The following BBS2 variants were observed in gnomAD, a reference collection of about 807,000 sequenced individuals.
BBS2 encodes the protein Bardet-Biedl syndrome 2.
In BBS2, 62 loss-of-function variants were observed where a neutral mutation model predicts 83.0. The ratio of observed to expected loss-of-function variants is 0.75; its 90% CI spans 0.61 to 0.92. BBS2 has a LOEUF of 0.92. Among genes scored for constraint, BBS2 ranks in the 40% least tolerant of loss-of-function variants. The pLI is 0.00. For missense variants in BBS2, 784 were observed against 901.0 expected (o/e 0.87, Z 1.66); for synonymous variants, 303 against 326.1 (o/e 0.93, Z 0.76).
chr16:56,476,179 GACTTT>G, intron 17 of BBS2: 1 of 1,612,212 alleles, frequency 6.2e-7, no homozygotes. Context: ...AGGTTTCTGG[GACTTT>G]TCATTCATCT....
intron 15 of BBS2, among the ~76,000 whole-genome samples, chr16:56,496,457 T>C (rs1237196887): frequency 6.6e-6 from 1 of 152,202 alleles, no homozygotes; most frequent in South Asian, 2.1e-4. Flanking sequence ...TTATTGCATG[T>C]TTCCCAAACT....
rs940563320 is a variant in BBS2, at chr16:56,511,087, T to C, written c.471+72A>G. 5 of 1,593,868 alleles carry C rather than the reference T, an allele frequency of 3.1e-6. No homozygotes were observed. In the South Asian group the frequency reaches 4.4e-5, roughly 14 times the overall value. On this transcript the variant is annotated intron_variant, in intron 3 of 16. Transcript: ENST00000245157. ...TTATAAATATTATTACTCAGTAGAG[T>C]TGGTGGTTAAAAAAGAACATTAAAA...
intron 12 of BBS2, 143 bp from the exon 13 acceptor site, chr16:56,498,711 A>G (rs1244676249): frequency 3.9e-6 from 6 of 1,529,778 alleles, no homozygotes; most frequent in Non-Finnish European, 5.2e-6. Flanking sequence ...GTTGAGAAAA[A>G]AAAAAAAGAA....
intron 17 of BBS2, chr16:56,478,435 A>G (rs988580005): frequency 3.9e-5 from 6 of 152,206 alleles, no homozygotes; most frequent in Admixed American, 3.9e-4. Flanking sequence ...GAATACTGTT[A>G]CTAATGGTTA....
rs577991432 is a variant in BBS2 at position 56,475,028 on chromosome 16, A to G, written c.*1-4333T>C. On this transcript the variant is annotated intron_variant, in intron 17 of 17. Coordinates refer to the BBS2 transcript ENST00000682047. ...CTTCTGAGGGACCCTTTCCAGCTGA[A>G]CCAATTCATAAGTAATTTGCCTAGT... The G allele has an allele frequency of 5.0e-5, 73 of 1,459,908 alleles. No homozygotes were observed. In the East Asian group the frequency reaches 1.4e-3, roughly 28 times the overall value. 90.4% of individuals were successfully genotyped at this position (1,459,908 alleles called of 1,614,324 possible). A position where few individuals can be genotyped will look rare whatever the true frequency, so the allele number is the denominator to read the frequency against.
Position 56,505,880 on chromosome 16 carries a change from G to A in BBS2, c.804+70C>T, listed in dbSNP as rs1196174744. The A allele has an allele frequency of 1.7e-5, 20 of 1,185,464 alleles. No individual in the cohort carries two copies. The African/African-American group carries it at 2.6e-4, about 15-fold the overall frequency. 73.4% of individuals were successfully genotyped at this position (1,185,464 alleles called of 1,614,324 possible). On this transcript the variant is annotated intron_variant, in intron 7 of 16. Coordinates refer to ENST00000245157, the MANE Select transcript of BBS2 (RefSeq NM_031885.5). ...TTACATCCCAATGTTACTGTTCTAA[G>A]TCCTACAGCCAATACACCTTGGACA... is the stretch of plus-strand genomic sequence containing the variant.
intron 17 of BBS2, chr16:56,474,971 C>A: frequency 6.2e-7 from 1 of 1,611,444 alleles, no homozygotes; most frequent in Non-Finnish European, 8.5e-7. Flanking sequence ...GGAAAGCAAG[C>A]GGTGGATTAT....
intron 1 of BBS2, among the ~76,000 whole-genome samples, chr16:56,516,689 C>A (rs904209383): frequency 6.6e-6 from 1 of 152,050 alleles, no homozygotes; most frequent in Non-Finnish European, 1.5e-5. Context: ...CCACCATGCC[C>A]GGCCAGAGAT....
downstream of BBS2, among the ~76,000 whole-genome samples, chr16:56,481,323 T>C (rs1488103679): frequency 2.0e-5 from 3 of 152,058 alleles, no homozygotes; most frequent in Non-Finnish European, 4.4e-5. Flanking sequence ...AGGGTGACGC[T>C]GGTTAAGATG....
At chr16:56,480,235 AAAAG>A (rs1250286481), downstream of BBS2, among the ~76,000 whole-genome samples, 1 of 151,876 alleles carries the variant, frequency 6.6e-6, no homozygotes, top group Non-Finnish European at 1.5e-5. Context: ...TTAGGGTTCC[AAAAG>A]AAAGAATCTG....
chr16:56,518,127 T>C (rs1964804314), intron 1 of BBS2, among the ~76,000 whole-genome samples: 1 of 152,046 alleles, frequency 6.6e-6, no homozygotes, highest in African/African-American at 2.4e-5. Context: ...TGTCAGTGAC[T>C]TCTAACTGTA....
chr16:56,497,063 G>A lies in BBS2; in HGVS notation c.1814C>T (p.Ser605Leu). The A allele has an allele frequency of 6.2e-7, 1 of 1,612,570 alleles. No individual in the cohort carries two copies. Residue 605 changes from serine to leucine, a missense_variant, in exon 15 of 17, where the codon TCA becomes TTA. Physicochemically the swap from Ser to Leu is moderately radical, Grantham distance 145. Coordinates refer to ENST00000245157, the MANE Select transcript of BBS2 (RefSeq NM_031885.5). The part of the protein sequence containing the change: ...KVLVKVDEYH[S>L]VHQKLSADMA... The stretch of plus-strand genomic sequence containing the variant: ...ATCAGCACTGAGCTTCTGATGCACT[G>A]AATGATATTCATCCACCTGGAGACC...
chr16:56,514,303 G>A (rs1249388676), intron 2 of BBS2, 150 bp downstream of exon 2: 45 of 742,744 alleles, frequency 6.1e-5, no homozygotes, highest in Admixed American at 9.8e-5. Context: ...ACATAAAGCA[G>A]ATGTTAACAG....
intron 1 of BBS2, chr16:56,516,232 AC>A: frequency 6.6e-6 from 1 of 152,312 alleles, no homozygotes; most frequent in East Asian, 1.9e-4. Flanking sequence ...CGACAAAAAG[AC>A]CACTCCCAGG....
intron 17 of BBS2, chr16:56,477,866 T>G (rs1378894106): frequency 1.3e-5 from 2 of 152,242 alleles, no homozygotes; most frequent in Admixed American, 1.3e-4. Context: ...GTATTCATTC[T>G]TTTCTGAAGT....
chr16:56,498,365 C>T, intron 13 of BBS2, 72 bp downstream of exon 13: 1 of 1,571,402 alleles, frequency 6.4e-7, no homozygotes, highest in Non-Finnish European at 8.7e-7. Context: ...ATGCCCCTCT[C>T]ATTCCATGGT....
chr16:56,482,783 G>A (rs1202364555), downstream of BBS2, among the ~76,000 whole-genome samples: 2 of 152,138 alleles, frequency 1.3e-5, no homozygotes, highest in Non-Finnish European at 2.9e-5. Context: ...CTAGGGAAGA[G>A]ACTGCTAGCT....
At position 56,510,899 on chromosome 16, in the gene BBS2, G is replaced by A; in HGVS notation, c.494C>T (p.Ser165Phe). 1 of 1,613,972 alleles carries A rather than the reference G, an allele frequency of 6.2e-7. No individual in the cohort carries two copies. Among genetic ancestry groups the A allele is most frequent in the Middle Eastern group, 1.6e-4 (1 of 6,062 alleles). Residue 165 changes from serine (S) to phenylalanine (F), a missense_variant, in exon 4 of 17, where the codon TCC (serine) becomes TTC (phenylalanine). Transcript: ENST00000245157. ...FWTVTGDNVN[S>F]LALCDFDGDG... ...ACCATCAAAGTCACACAAGGCCAAG[G>A]AATTAACATTGTCTCCAGTAACCTG...
intron 1 of BBS2, among the ~76,000 whole-genome samples, chr16:56,518,833 G>A (rs1050177119): frequency 9.5e-6 from 1 of 105,792 alleles, no homozygotes; most frequent in Admixed American, 8.9e-5. Context: ...TACAGAAGGT[G>A]TTTAGTAGAA....
Sources: gnomAD v4.1 joint callset for allele counts (sites outside exome capture counted in the v4.1 genomes callset) on GRCh38, gnomAD v4.1.1 for gene constraint, MANE v1.5 for transcripts, NCBI Gene and HGNC (gene_info 2026-07-23, HGNC 2026-07-21) for gene names.